CRY1: variants seen among roughly 807,000 people sequenced by gnomAD.
CRY1 encodes cryptochrome-1.
In CRY1, 45 loss-of-function variants were observed where a neutral mutation model predicts 76.0. The ratio of observed to expected loss-of-function variants is 0.59; its 90% CI spans 0.47 to 0.76. The LOEUF is 0.76. CRY1 is among the 30% of genes least tolerant of loss of function. The pLI, the probability that CRY1 is intolerant of heterozygous loss-of-function variation, is 0.00. For synonymous variants in CRY1, 248 were observed against 244.0 expected (o/e 1.02, Z -0.15); for missense variants, 587 against 716.4 (o/e 0.82, Z 2.06).
At chr12:106,996,682 T>A (rs1375495021) in intron 10 of CRY1, among the ~76,000 whole-genome samples, 1 of 152,206 alleles carries the variant, frequency 6.6e-6, no homozygotes, top group Non-Finnish European at 1.5e-5. Context: ...TGCTGTCCTA[T>A]TTTTTAATCA....
intron 1 of CRY1, among the ~76,000 whole-genome samples, chr12:107,077,649 T>C (rs1266210773): frequency 6.6e-6 from 1 of 152,186 alleles, no homozygotes; most frequent in East Asian, 1.9e-4. Context: ...GTTATCTATA[T>C]ATTTTATTTA....
At chr12:107,029,386 G>C (rs1489115615) in intron 1 of CRY1, among the ~76,000 whole-genome samples, 1 of 152,010 alleles carries the variant, frequency 6.6e-6, no homozygotes, top group Non-Finnish European at 1.5e-5. Context: ...GAGCGCAGGA[G>C]TTTGAGACCA....
In CRY1 at chr12:106,992,885, T is replaced by G. The variant is rs772240717; in HGVS notation, c.1663A>C (p.Ser555Arg). 1.2e-6 allele frequency: 2 copies of G among 1,613,998 alleles called. No homozygotes were observed. The highest frequency in any genetic ancestry group is 1.7e-6 in the Non-Finnish European group (2 of 1,179,940). Residue 555 changes from serine to arginine, a missense_variant, in exon 12 of 13, where the codon AGC becomes CGC. By Grantham distance (110) the Ser-to-Arg change is moderately radical. Transcript: ENST00000008527. ...QQTHLLKQGRSSMGTGLSGGK... is the reference protein window; with the variant it reads ...QQTHLLKQGRRSMGTGLSGGK... ...CCACTGAGACCAGTGCCCATGGAGC[T>G]TCTTCCTGCACATTTAAAAAATGTA...
chr12:107,007,856 A>G (rs1334742116), intron 2 of CRY1, among the ~76,000 whole-genome samples: 2 of 152,154 alleles, frequency 1.3e-5, no homozygotes, highest in Admixed American at 6.5e-5. Flanking sequence ...TTTGAAAAAC[A>G]TTATTTTAAA....
At chr12:107,001,719 A>T in intron 4 of CRY1, 45 bp downstream of exon 4, 1 of 1,438,974 alleles carries the variant, frequency 6.9e-7, no homozygotes, top group Non-Finnish European at 9.2e-7. Flanking sequence ...GTAATTTATG[A>T]TTTATTAACT....
intron 1 of CRY1, 28 bp from the exon 2 acceptor site, chr12:107,022,220 T>G (rs764739807): frequency 1.6e-6 from 2 of 1,276,052 alleles, no homozygotes; most frequent in South Asian, 2.9e-5. Flanking sequence ...TTATTTAAAT[T>G]ATTAAAAAAT....
At chr12:106,998,140 G>A (rs1256820466) in intron 7 of CRY1, 74 bp from the exon 8 acceptor site, 5 of 1,543,510 alleles carry the variant, frequency 3.2e-6, no homozygotes, top group South Asian at 1.2e-5. Context: ...GGTCACAGTA[G>A]AGCCAAAGTC....
chr12:107,063,360 T>C (rs1953070767), intron 1 of CRY1, among the ~76,000 whole-genome samples: 1 of 152,198 alleles, frequency 6.6e-6, no homozygotes, highest in South Asian at 2.1e-4. Flanking sequence ...GTCAATTACC[T>C]GACAAATAGA....
At position 107,001,315 on chromosome 12, in the gene CRY1, C is replaced by G; in HGVS notation, c.649G>C (p.Ala217Pro). Reference protein sequence around the residue: ...SAVWPGGETEALTRLERHLER... With the variant: ...SAVWPGGETEPLTRLERHLER... ...AAATGCCTTTCCAAACGAGTAAGTG[C>G]TTCAGTTTCTCCACCTGGCCACACT... Residue 217 changes from alanine (A) to proline (P), a missense_variant, in exon 5 of 13, where the codon GCA becomes CCA. Ala to Pro is a conservative substitution (Grantham distance 27). Transcript: ENST00000008527. The G allele has an allele frequency of 1.2e-6, 2 of 1,613,720 alleles. No homozygotes were observed. The highest frequency in any genetic ancestry group is 1.7e-6 in the Non-Finnish European group (2 of 1,179,776).
chr12:107,043,947 C>T (rs1952825177), intron 1 of CRY1, among the ~76,000 whole-genome samples: 1 of 152,190 alleles, frequency 6.6e-6, no homozygotes, highest in African/African-American at 2.4e-5. Flanking sequence ...GTACCCCTTA[C>T]TCCATGGAGT....
In CRY1 at chr12:106,991,506, T is replaced by C. The variant is rs117659653; in HGVS notation, c.*496A>G. The stretch of plus-strand genomic sequence containing the variant: ...ATCAAAGTTTAAAACATATACTGTC[T>C]GTGTTAACAGAGGCTACAATACCAA... On this transcript the variant is annotated 3_prime_UTR_variant, in exon 13 of 13. Transcript: ENST00000008527. 4.2e-4 allele frequency: 64 copies of C among 152,766 alleles called. No individual in the cohort carries two copies. In the East Asian group the frequency reaches 9.8e-3, roughly 23 times the overall value. The allele number at this position is 152,766 out of a possible 1,614,324, so 9.5% of individuals were successfully genotyped here.
intron 2 of CRY1, among the ~76,000 whole-genome samples, chr12:107,009,751 C>CA (rs1315256077): frequency 6.7e-5 from 10 of 150,356 alleles, no homozygotes; most frequent in East Asian, 5.8e-4. Context: ...AGTGTCTTTA[C>CA]AAAAAAAACT....
intron 1 of CRY1, among the ~76,000 whole-genome samples, chr12:107,092,082 C>CTAAGTGATCAAGAGTCTA (rs1376128297): frequency 6.6e-6 from 1 of 152,174 alleles, no homozygotes; most frequent in African/African-American, 2.4e-5. Context: ...CTGGCACATG[C>CTAAGTGATCAAGAGTCTA]TAAGTGATCA....
chr12:106,997,428 A>G, intron 9 of CRY1, 42 bp from the exon 10 acceptor site: 2 of 1,612,186 alleles, frequency 1.2e-6, no homozygotes, highest in Non-Finnish European at 1.7e-6. Context: ...TGATCAAGAT[A>G]AAATTCAAAG....
chr12:107,025,543 G>C (rs1415791561), intron 1 of CRY1, among the ~76,000 whole-genome samples: 1 of 152,114 alleles, frequency 6.6e-6, no homozygotes, highest in Non-Finnish European at 1.5e-5. Context: ...TCTTAGAATA[G>C]TGCCTGCCCA....
At chr12:106,997,256 T>C (rs760513382) in intron 10 of CRY1, 38 bp downstream of exon 10, 27 of 1,503,820 alleles carry the variant, frequency 1.8e-5, no homozygotes, top group Non-Finnish European at 2.5e-5. Flanking sequence ...TAATAACCTC[T>C]TCATGTTACT....
intron 1 of CRY1, among the ~76,000 whole-genome samples, chr12:107,079,956 C>A (rs1273205227): frequency 2.6e-5 from 4 of 151,980 alleles, no homozygotes; most frequent in Non-Finnish European, 1.5e-5. Context: ...TAGAGAAGGG[C>A]AAGGGGGACA....
intron 2 of CRY1, among the ~76,000 whole-genome samples, chr12:107,020,272 T>C (rs1000249482): frequency 9.2e-5 from 14 of 151,902 alleles, no homozygotes; most frequent in Non-Finnish European, 2.9e-5. Flanking sequence ...AGCTGTTCTC[T>C]TCTACATTAA....
chr12:107,092,854 G>A lies in CRY1; in HGVS notation c.108C>T (p.Ile36=), dbSNP rs770819741. The A allele has an allele frequency of 6.2e-7, 1 of 1,611,446 alleles. No individual in the cohort carries two copies. Among genetic ancestry groups the A allele is most frequent in the Non-Finnish European group, 8.5e-7 (1 of 1,179,738 alleles). ...QGADTIRCVY[I]LDPWFAGSSN... The stretch of plus-strand genomic sequence containing the variant: ...AGGAGCCGGCGAACCAGGGGTCCAG[G>A]ATGTAGACGCAGCGGATGGTGTCGG... Residue 36 remains isoleucine, a synonymous_variant, in exon 1 of 13, where the codon ATC becomes ATT. Transcript: ENST00000008527.
Sources: allele counts gnomAD v4.1 joint callset (sites outside exome capture counted in the v4.1 genomes callset), GRCh38; gene constraint gnomAD v4.1.1; transcripts MANE v1.5; gene names NCBI Gene and HGNC (gene_info 2026-07-23, HGNC 2026-07-21).